Variants in CEP15 observed in about 807,000 individuals in gnomAD.
CEP15 encodes centrosomal protein 15, also known as centrosomal protein 15 kDa.
the CEP15 span, chr3:62,336,163 A>G: frequency 6.6e-6 from 1 of 152,146 alleles, no homozygotes; most frequent in African/African-American, 2.4e-5. This position sits in a 1 kb window ranked among gnomAD's most constrained non-coding sequence, Gnocchi z 4.4. Flanking sequence ...AAATAAAGTG[A>G]ATATGTGTGC....
the CEP15 span, among the ~76,000 whole-genome samples, chr3:62,328,192 A>T: frequency 6.6e-6 from 1 of 152,346 alleles, no homozygotes; most frequent in Middle Eastern, 3.4e-3. Context: ...AGCTCATAAC[A>T]GTATCTCCAA....
At chr3:62,320,605 T>G in the CEP15 span, 1 of 1,060,502 alleles carries the variant, frequency 9.4e-7, no homozygotes, top group Non-Finnish European at 1.4e-6. Flanking sequence ...CAGGATGACT[T>G]AAAAATTTGC....
the CEP15 span, chr3:62,319,110 G>A: frequency 6.6e-6 from 1 of 152,564 alleles, no homozygotes; most frequent in East Asian, 1.9e-4. Flanking sequence ...GCCGCGCAGG[G>A]CCTTGCAGGA....
At chr3:62,320,648 AG>A in the CEP15 span, 1 of 653,190 alleles carries the variant, frequency 1.5e-6, no homozygotes, top group Non-Finnish European at 2.6e-6. Context: ...GACACTTAAG[AG>A]GTTTTAGTGT....
At chr3:62,326,225 A>G in the CEP15 span, among the ~76,000 whole-genome samples, 3 of 152,154 alleles carry the variant, frequency 2.0e-5, no homozygotes, top group Admixed American at 6.5e-5. Context: ...CTGCCATCCA[A>G]GATGGTCGGT....
At chr3:62,332,563 A>G in the CEP15 span, among the ~76,000 whole-genome samples, 1 of 152,130 alleles carries the variant, frequency 6.6e-6, no homozygotes, top group South Asian at 2.1e-4. Context: ...GCTAGACACA[A>G]CACAGCAATG....
At chr3:62,328,241 A>G in the CEP15 span, among the ~76,000 whole-genome samples, 48 of 152,352 alleles carry the variant, frequency 3.2e-4, no homozygotes, top group East Asian at 8.9e-3. Flanking sequence ...AAAATCGCTG[A>G]TCTTATGCAT....
chr3:62,332,005 A>C, the CEP15 span, among the ~76,000 whole-genome samples: 3 of 152,114 alleles, frequency 2.0e-5, no homozygotes, highest in Admixed American at 6.6e-5. Context: ...TTTCTCCCCA[A>C]CTGGGGATAA....
chr3:62,325,973 G>A, the CEP15 span, among the ~76,000 whole-genome samples: 7 of 150,456 alleles, frequency 4.7e-5, no homozygotes, highest in East Asian at 1.2e-3. Flanking sequence ...TGCAGTGAGC[G>A]AGATTGTGCC....
chr3:62,331,857 CAAG>C, the CEP15 span, among the ~76,000 whole-genome samples: 1 of 151,980 alleles, frequency 6.6e-6, no homozygotes, highest in African/African-American at 2.4e-5. Flanking sequence ...TTGTTCAGTT[CAAG>C]AAGAGATTGG....
the CEP15 span, chr3:62,333,369 C>A: frequency 6.2e-7 from 1 of 1,610,560 alleles, no homozygotes; most frequent in South Asian, 1.1e-5. The surrounding 1 kb of genome is among the most constrained non-coding windows in gnomAD (Gnocchi z 4.0). Flanking sequence ...AAATACCATT[C>A]AAAATGAGGC....
At chr3:62,322,236 A>C in the CEP15 span, 1 of 537,250 alleles carries the variant, frequency 1.9e-6, no homozygotes, top group African/African-American at 2.0e-5. The surrounding 1 kb of genome is among the most constrained non-coding windows in gnomAD (Gnocchi z 5.5). Flanking sequence ...TCATTTTTTT[A>C]AATTAAAAAA....
the CEP15 span, chr3:62,334,367 A>G: frequency 1.3e-5 from 2 of 152,170 alleles, no homozygotes; most frequent in African/African-American, 4.8e-5. This position sits in a 1 kb window ranked among gnomAD's most constrained non-coding sequence, Gnocchi z 4.9. Flanking sequence ...TGTTTTTAAA[A>G]GAAGACAATA....
chr3:62,332,229 C>T, the CEP15 span, among the ~76,000 whole-genome samples: 1 of 152,244 alleles, frequency 6.6e-6, no homozygotes. Context: ...CAGGGAAACT[C>T]CCAACCACGG....
At chr3:62,334,384 G>T in the CEP15 span, 2 of 152,062 alleles carry the variant, frequency 1.3e-5, no homozygotes, top group African/African-American at 4.8e-5. The surrounding 1 kb of genome is among the most constrained non-coding windows in gnomAD (Gnocchi z 4.9). Context: ...AATAGGAAAA[G>T]CTAAATACAC....
chr3:62,322,366 C>A, the CEP15 span: 1 of 207,962 alleles, frequency 4.8e-6, no homozygotes, highest in Non-Finnish European at 9.4e-6. This position sits in a 1 kb window ranked among gnomAD's most constrained non-coding sequence, Gnocchi z 5.5. Context: ...TTCCATCTTT[C>A]ATCTTCTTTT....
the CEP15 span, chr3:62,334,180 G>C: frequency 5.3e-5 from 8 of 151,066 alleles, no homozygotes; most frequent in Admixed American, 5.3e-4. The surrounding 1 kb of genome is among the most constrained non-coding windows in gnomAD (Gnocchi z 4.9). Flanking sequence ...AGAAAGCGTT[G>C]GGTCACAACC....
the CEP15 span, chr3:62,333,104 C>T: frequency 1.6e-6 from 1 of 620,206 alleles, no homozygotes; most frequent in East Asian, 3.6e-5. This position sits in a 1 kb window ranked among gnomAD's most constrained non-coding sequence, Gnocchi z 4.0. Flanking sequence ...ATAAAATATT[C>T]TGTAGAGGAA....
At chr3:62,333,302 G>A in the CEP15 span, 1 of 1,611,518 alleles carries the variant, frequency 6.2e-7, no homozygotes, top group Non-Finnish European at 8.5e-7. This position sits in a 1 kb window ranked among gnomAD's most constrained non-coding sequence, Gnocchi z 4.0. Flanking sequence ...AATGGGAACA[G>A]TTTCTTTTAG....
Sources: gnomAD v4.1 joint callset for allele counts (sites outside exome capture counted in the v4.1 genomes callset) on GRCh38, gnomAD v4.1.1 for gene constraint, Gnocchi (gnomAD v3.1) non-coding constraint, MANE v1.5 for transcripts, NCBI Gene and HGNC (gene_info 2026-07-23, HGNC 2026-07-21) for gene names.